The following VWA8 variants were observed in gnomAD, a reference collection of about 807,000 sequenced individuals.
The protein encoded by VWA8 is von Willebrand factor A domain-containing protein 8.
A neutral mutation model predicts 241.5 loss-of-function variants in VWA8; 221 were observed. The observed-to-expected ratio is 0.91, with a 90% CI of 0.82 to 1.02. VWA8 has a LOEUF of 1.02. Ranked by LOEUF, VWA8 falls within the 50% of genes least tolerant of loss-of-function variation. The probability of loss-of-function intolerance (pLI) is 0.00; values close to 1 mark genes in which losing one functional copy is unlikely to be tolerated. For synonymous variants in VWA8, 852 were observed against 827.1 expected, an observed-to-expected ratio of 1.03 and a Z score of -0.52; for missense variants, 2,322 against 2,328.7, an observed-to-expected ratio of 1.00 and a Z score of 0.06.
At chr13:41,687,769 C>T (rs570377271) in intron 34 of VWA8, among the ~76,000 whole-genome samples, 9 of 152,188 alleles carry the variant, frequency 5.9e-5, no homozygotes, top group African/African-American at 2.2e-4. Context: ...TGACTCTAAT[C>T]TTCTATTTAA....
intron 42 of VWA8, among the ~76,000 whole-genome samples, chr13:41,579,966 C>T (rs911243754): frequency 1.3e-5 from 2 of 152,088 alleles, no homozygotes; most frequent in Non-Finnish European, 1.5e-5. Flanking sequence ...CTCATTTCAG[C>T]CTCCTGAGTA....
At chr13:41,679,353 T>A (rs925419224) in intron 35 of VWA8, among the ~76,000 whole-genome samples, 2 of 152,188 alleles carry the variant, frequency 1.3e-5, no homozygotes, top group African/African-American at 4.8e-5. Context: ...AAAAAGTCAC[T>A]CCTTCTAGAA....
chr13:41,622,945 T>C (rs2044666556), intron 37 of VWA8, among the ~76,000 whole-genome samples: 1 of 152,204 alleles, frequency 6.6e-6, no homozygotes, highest in South Asian at 2.1e-4. Flanking sequence ...TCACGTTCAT[T>C]TCCTCTTTTT....
At chr13:41,661,334 A>G (rs1025307944) in intron 37 of VWA8, among the ~76,000 whole-genome samples, 2 of 152,140 alleles carry the variant, frequency 1.3e-5, no homozygotes, top group African/African-American at 4.8e-5. Context: ...CTCCACTGGC[A>G]TTTTCAGATT....
chr13:41,659,251 G>C (rs1437447898), intron 37 of VWA8, among the ~76,000 whole-genome samples: 1 of 152,128 alleles, frequency 6.6e-6, no homozygotes. Flanking sequence ...GGTAAGTTAT[G>C]ATACATTTAA....
chr13:41,803,076 G>A (rs543360796), intron 17 of VWA8, among the ~76,000 whole-genome samples: 35 of 152,380 alleles, frequency 2.3e-4, no homozygotes, highest in African/African-American at 8.2e-4. Flanking sequence ...GTATCTCTAT[G>A]AGTCTGCAAG....
chr13:41,745,409 G>A (rs2045598055), intron 21 of VWA8, among the ~76,000 whole-genome samples: 1 of 151,946 alleles, frequency 6.6e-6, no homozygotes, highest in Admixed American at 6.6e-5. Flanking sequence ...CTGTCCTTGT[G>A]ATACATTGCT....
At chr13:41,751,770 C>T (rs1266800389) in intron 21 of VWA8, among the ~76,000 whole-genome samples, 1 of 152,084 alleles carries the variant, frequency 6.6e-6, no homozygotes, top group Non-Finnish European at 1.5e-5. Context: ...ATCCAAAATG[C>T]AATATTTTAA....
chr13:41,879,495 C>T (rs553279267), intron 9 of VWA8, among the ~76,000 whole-genome samples: 522 of 151,608 alleles, frequency 3.4e-3, no homozygotes, highest in Middle Eastern at 6.8e-3. Flanking sequence ...CTTTATTGAC[C>T]ATTATTTTCC....
At chr13:41,949,088 T>C (rs977300738) in intron 2 of VWA8, among the ~76,000 whole-genome samples, 1 of 103,990 alleles carries the variant, frequency 9.6e-6, no homozygotes, top group Non-Finnish European at 2.0e-5. Flanking sequence ...GGTAAAGGGG[T>C]AGGAACACAA....
intron 37 of VWA8, among the ~76,000 whole-genome samples, chr13:41,660,040 A>C (rs2044938226): frequency 6.6e-6 from 1 of 152,192 alleles, no homozygotes; most frequent in Non-Finnish European, 1.5e-5. Flanking sequence ...ATATAGGAAA[A>C]AGTTTGGGCT....
intron 34 of VWA8, among the ~76,000 whole-genome samples, chr13:41,686,395 T>C (rs929102106): frequency 6.6e-6 from 1 of 152,138 alleles, no homozygotes; most frequent in Non-Finnish European, 1.5e-5. Flanking sequence ...TATCTCATCA[T>C]GGTTTTAATT....
chr13:41,659,403 A>C (rs984228737), intron 37 of VWA8, among the ~76,000 whole-genome samples: 1 of 152,242 alleles, frequency 6.6e-6, no homozygotes, highest in Non-Finnish European at 1.5e-5. Context: ...TAATTAAATG[A>C]ATTAAAAGCC....
chr13:41,573,481 A>AT (rs1276451845), intron 43 of VWA8, among the ~76,000 whole-genome samples: 2 of 128,096 alleles, frequency 1.6e-5, no homozygotes, highest in Non-Finnish European at 3.2e-5. Flanking sequence ...GTTTAAAAAA[A>AT]AAAAAATATA....
intron 21 of VWA8, among the ~76,000 whole-genome samples, chr13:41,740,290 T>A (rs1001427503): frequency 2.0e-5 from 3 of 152,222 alleles, no homozygotes; most frequent in African/African-American, 7.2e-5. Context: ...TAGATTTTTT[T>A]AAAATTTAAA....
At chr13:41,953,562 T>C (rs1167225049) in intron 1 of VWA8, among the ~76,000 whole-genome samples, 1 of 152,070 alleles carries the variant, frequency 6.6e-6, no homozygotes, top group African/African-American at 2.4e-5. Context: ...TCCCAGCACT[T>C]TGGGAGGCCG....
At chr13:41,698,981 G>T (rs1000601411) in intron 29 of VWA8, 90 bp downstream of exon 29, 2 of 1,562,638 alleles carry the variant, frequency 1.3e-6, no homozygotes, top group Admixed American at 1.7e-5. Context: ...TGATCATCAT[G>T]AAAGCACATC....
In VWA8 at chr13:41,568,153, C is replaced by G; in HGVS notation, c.*44G>C. On this transcript the variant is annotated 3_prime_UTR_variant, in exon 45 of 45. Transcript: ENST00000379310. ...TTTTCAGAATACTCTTTATTCCTGT[C>G]TTATTTCAAATCCTGGTGTCATCAG... 3 of 1,501,908 alleles carry G rather than the reference C, an allele frequency of 2.0e-6. No homozygotes were observed. Among genetic ancestry groups the G allele is most frequent in the South Asian group, 2.3e-5 (2 of 88,058 alleles). 93.0% of individuals were successfully genotyped at this position (1,501,908 alleles called of 1,614,324 possible). A position where few individuals can be genotyped will look rare whatever the true frequency, so the allele number is the denominator to read the frequency against.
At position 41,866,012 on chromosome 13, in the gene VWA8, T is replaced by C. The variant is rs1566486561; in HGVS notation, c.1237A>G (p.Ser413Gly). Residue 413 changes from serine to glycine, a missense_variant, in exon 11 of 45, where the codon AGT becomes GGT. Ser to Gly is a moderately conservative substitution (Grantham distance 56). Coordinates refer to ENST00000379310, the MANE Select transcript of VWA8 (RefSeq NM_015058.2). ...AAACGGTCTGACGCACAAGGTTGACTTAATAGCCTGGTCCCGGCTGGCACC... is the reference window on the plus strand; with the variant it reads ...AAACGGTCTGACGCACAAGGTTGACCTAATAGCCTGGTCCCGGCTGGCACC... ...IKVPAGTRLLSQPCASDRFIQ... is the reference protein window; with the variant it reads ...IKVPAGTRLLGQPCASDRFIQ... 3.7e-6 allele frequency: 6 copies of C among 1,614,168 alleles called. No homozygotes were observed. Among genetic ancestry groups the C allele is most frequent in the Non-Finnish European group, 5.1e-6 (6 of 1,180,008 alleles).
Sources: allele counts gnomAD v4.1 joint callset (sites outside exome capture counted in the v4.1 genomes callset), GRCh38; gene constraint gnomAD v4.1.1; transcripts MANE v1.5; gene names NCBI Gene and HGNC (gene_info 2026-07-23, HGNC 2026-07-21).